LHFPL3: variants seen among roughly 807,000 people sequenced by gnomAD.
LHFPL3 encodes the protein LHFPL tetraspan subfamily member 3 protein.
Under a neutral mutation model 19.3 loss-of-function variants are expected in LHFPL3, and 5 were observed. The ratio of observed to expected loss-of-function variants is 0.26; its 90% CI spans 0.14 to 0.54. LHFPL3 has a LOEUF of 0.54. LHFPL3 is among the 20% of genes least tolerant of loss of function. The probability of loss-of-function intolerance (pLI) is 0.94; values close to 1 mark genes in which losing one functional copy is unlikely to be tolerated. For missense variants in LHFPL3, 249 were observed against 307.4 expected (o/e 0.81, Z 1.42); for synonymous variants, 133 against 126.2 (o/e 1.05, Z -0.36).
At chr7:104,838,672 G>A (rs923219868) in intron 2 of LHFPL3, among the ~76,000 whole-genome samples, 4 of 152,216 alleles carry the variant, frequency 2.6e-5, no homozygotes, top group African/African-American at 9.6e-5. Flanking sequence ...TGACGGAAAT[G>A]TTCTTTATCT....
chr7:104,644,506 G>A (rs1562956916), intron 1 of LHFPL3, among the ~76,000 whole-genome samples: 1 of 152,120 alleles, frequency 6.6e-6, no homozygotes, highest in Non-Finnish European at 1.5e-5. Context: ...CCGCTCCCAG[G>A]AAAGCAACAC....
intron 1 of LHFPL3, among the ~76,000 whole-genome samples, chr7:104,542,087 C>G (rs1794496205): frequency 6.6e-6 from 1 of 151,868 alleles, no homozygotes; most frequent in Non-Finnish European, 1.5e-5. Context: ...CAGAGAAGAG[C>G]TCAATTCACA....
At chr7:104,506,960 A>G (rs548804503) in intron 1 of LHFPL3, among the ~76,000 whole-genome samples, 2 of 152,344 alleles carry the variant, frequency 1.3e-5, no homozygotes, top group Admixed American at 6.5e-5. Context: ...AAAGTATTCT[A>G]TTGGAGACCA....
chr7:104,829,445 G>A (rs556837648), intron 2 of LHFPL3, among the ~76,000 whole-genome samples: 15 of 151,552 alleles, frequency 9.9e-5, no homozygotes, highest in Admixed American at 3.3e-4. Flanking sequence ...TTGTCATTTA[G>A]CATTAGGTAT....
chr7:104,445,792 C>T (rs1396477710), intron 1 of LHFPL3, among the ~76,000 whole-genome samples: 1 of 152,162 alleles, frequency 6.6e-6, no homozygotes, highest in African/African-American at 2.4e-5. Flanking sequence ...GAGTATTGCA[C>T]AGTGTAAAAC....
intron 1 of LHFPL3, among the ~76,000 whole-genome samples, chr7:104,634,965 C>G (rs1791705674): frequency 6.6e-6 from 1 of 151,990 alleles, no homozygotes; most frequent in Non-Finnish European, 1.5e-5. Context: ...AGACACAGAA[C>G]AGAATCAAAT....
At chr7:104,770,738 G>A (rs1794535993) in intron 2 of LHFPL3, among the ~76,000 whole-genome samples, 1 of 152,154 alleles carries the variant, frequency 6.6e-6, no homozygotes. Context: ...ACAGATTCCA[G>A]GCAGCCACTA....
At chr7:104,656,358 G>A (rs1378604901) in intron 1 of LHFPL3, among the ~76,000 whole-genome samples, 1 of 152,132 alleles carries the variant, frequency 6.6e-6, no homozygotes, top group African/African-American at 2.4e-5. Context: ...GGCCAGAGAG[G>A]AGGGAAATAC....
chr7:104,567,722 C>T (rs142650830), intron 1 of LHFPL3, among the ~76,000 whole-genome samples: 15 of 152,262 alleles, frequency 9.9e-5, no homozygotes, highest in African/African-American at 3.6e-4. Context: ...TCGGCTTGCT[C>T]ATGATGTACC....
chr7:104,404,589 G>A (rs1791378768), intron 1 of LHFPL3, among the ~76,000 whole-genome samples: 1 of 152,190 alleles, frequency 6.6e-6, no homozygotes, highest in South Asian at 2.1e-4. Context: ...AGAGGAATCA[G>A]AATTGAGCCA....
chr7:104,586,338 C>G (rs2115598117), intron 1 of LHFPL3, among the ~76,000 whole-genome samples: 1 of 152,208 alleles, frequency 6.6e-6, no homozygotes, highest in African/African-American at 2.4e-5. Context: ...GTGCCAAAAA[C>G]AGCTATTATA....
chr7:104,358,159 G>C (rs1790319734), intron 1 of LHFPL3, among the ~76,000 whole-genome samples: 1 of 152,190 alleles, frequency 6.6e-6, no homozygotes, highest in South Asian at 2.1e-4. Context: ...GGACCTGGGG[G>C]AGTGGAGACT....
intron 1 of LHFPL3, among the ~76,000 whole-genome samples, chr7:104,587,749 G>A (rs1222366884): frequency 6.6e-6 from 1 of 151,720 alleles, no homozygotes; most frequent in Non-Finnish European, 1.5e-5. Context: ...GTGTAAAAGT[G>A]TTCCTATTTC....
intron 1 of LHFPL3, among the ~76,000 whole-genome samples, chr7:104,693,169 T>C (rs1471189922): frequency 1.3e-5 from 2 of 152,206 alleles, no homozygotes; most frequent in Non-Finnish European, 2.9e-5. Flanking sequence ...ATTTCTCTCA[T>C]TTGCAATAGG....
At chr7:104,407,518 T>C (rs1259547278) in intron 1 of LHFPL3, among the ~76,000 whole-genome samples, 12 of 152,092 alleles carry the variant, frequency 7.9e-5, no homozygotes, top group Admixed American at 7.2e-4. Flanking sequence ...TAGCCAGGCA[T>C]GGTGGTGCAT....
intron 2 of LHFPL3, chr7:104,826,903 T>G (rs1790831170): frequency 6.6e-6 from 1 of 151,994 alleles, no homozygotes; most frequent in Admixed American, 6.6e-5. Flanking sequence ...TAAAACATGT[T>G]AAACTGAGGC....
intron 2 of LHFPL3, among the ~76,000 whole-genome samples, chr7:104,888,636 G>A (rs912061480): frequency 6.6e-6 from 1 of 152,188 alleles, no homozygotes; most frequent in South Asian, 2.1e-4. Context: ...GAGATGTAAG[G>A]CCTGGTTCTT....
At chr7:104,372,159 G>A (rs1056219994) in intron 1 of LHFPL3, among the ~76,000 whole-genome samples, 4 of 152,168 alleles carry the variant, frequency 2.6e-5, no homozygotes, top group African/African-American at 4.8e-5. Flanking sequence ...CTTTCTTCCT[G>A]TAGCTGGAGG....
chr7:104,506,285 T>C (rs1236063406), intron 1 of LHFPL3, among the ~76,000 whole-genome samples: 2 of 149,256 alleles, frequency 1.3e-5, no homozygotes, highest in African/African-American at 2.4e-5. Context: ...CCTCAAAGTA[T>C]ACTAAGCACA....
Sources: gnomAD v4.1 joint callset for allele counts (sites outside exome capture counted in the v4.1 genomes callset) on GRCh38, gnomAD v4.1.1 for gene constraint, MANE v1.5 for transcripts, NCBI Gene and HGNC (gene_info 2026-07-23, HGNC 2026-07-21) for gene names.